The following INPP4B variants were observed in gnomAD, a reference collection of about 807,000 sequenced individuals.
The protein encoded by INPP4B is inositol polyphosphate 4-phosphatase type II.
Under a neutral mutation model 122.5 loss-of-function variants are expected in INPP4B, and 55 were observed. That is an observed-to-expected ratio of 0.45 (90% CI 0.36 to 0.56). INPP4B has a LOEUF of 0.56. Ranked by LOEUF, INPP4B falls within the 20% of genes least tolerant of loss-of-function variation. INPP4B has a pLI of 0.00. For missense variants in INPP4B, 1,000 were observed against 1,097.7 expected, an observed-to-expected ratio of 0.91 and a Z score of 1.26; for synonymous variants, 403 against 388.7, an observed-to-expected ratio of 1.04 and a Z score of -0.43.
At position 142,784,031 on chromosome 4, in the gene INPP4B, T is replaced by C. The variant is rs866343591; in HGVS notation, c.-253-58130A>G. Among the ~76,000 whole-genome samples, 8 of 152,262 alleles carry C rather than the reference T, an allele frequency of 5.3e-5. No individual in the cohort carries two copies. The South Asian group carries it at 1.2e-3, about 24-fold the overall frequency. ...GTAAAGAGCTTAGAAGTCATCACTG[T>C]CATGCTTAGGGCAAGTAAAAAAACT... On this transcript the variant is annotated intron_variant, in intron 1 of 25. Transcript: ENST00000262992.
At chr4:142,343,467 C>G (rs1374905166) in intron 7 of INPP4B, among the ~76,000 whole-genome samples, 1 of 148,546 alleles carries the variant, frequency 6.7e-6, no homozygotes, top group Non-Finnish European at 1.5e-5. Flanking sequence ...ACATAAATTT[C>G]TATACCTGTT....
chr4:142,694,805 T>C (rs1760795460), intron 2 of INPP4B, among the ~76,000 whole-genome samples: 1 of 152,190 alleles, frequency 6.6e-6, no homozygotes, highest in African/African-American at 2.4e-5. Context: ...GCCCCTACAC[T>C]TTCCCTTAAC....
At chr4:142,814,923 G>A (rs1025632502) in intron 1 of INPP4B, among the ~76,000 whole-genome samples, 2 of 152,114 alleles carry the variant, frequency 1.3e-5, no homozygotes, top group Non-Finnish European at 2.9e-5. Flanking sequence ...GTCCAATGTG[G>A]AAAAGAGGAG....
chr4:142,640,700 A>C, intron 2 of INPP4B, among the ~76,000 whole-genome samples: 1 of 152,102 alleles, frequency 6.6e-6, no homozygotes, highest in East Asian at 1.9e-4. Flanking sequence ...CATTCGCAAC[A>C]CATACAACCA....
intron 10 of INPP4B, among the ~76,000 whole-genome samples, chr4:142,265,188 T>G (rs1742173805): frequency 6.6e-6 from 1 of 152,152 alleles, no homozygotes; most frequent in African/African-American, 2.4e-5. Flanking sequence ...CCATACAGTT[T>G]ATGGTATTTT....
chr4:142,234,772 T>A (rs1855971085), intron 12 of INPP4B, among the ~76,000 whole-genome samples: 1 of 152,216 alleles, frequency 6.6e-6, no homozygotes, highest in African/African-American at 2.4e-5. Flanking sequence ...CAGTTTCTAA[T>A]TTTATCTCTG....
At chr4:142,288,588 GA>G (rs1432985959) in intron 9 of INPP4B, among the ~76,000 whole-genome samples, 3 of 150,432 alleles carry the variant, frequency 2.0e-5, no homozygotes, top group Non-Finnish European at 4.4e-5. Flanking sequence ...GTCTCAGGAA[GA>G]AAAAAAAAGA....
At chr4:142,243,455 G>A (rs918036840) in intron 11 of INPP4B, among the ~76,000 whole-genome samples, 2 of 152,150 alleles carry the variant, frequency 1.3e-5, no homozygotes, top group African/African-American at 4.8e-5. Flanking sequence ...ATTGCATCAC[G>A]TTTGTTAAAA....
intron 2 of INPP4B, among the ~76,000 whole-genome samples, chr4:142,494,640 G>T (rs898067197): frequency 6.6e-6 from 1 of 152,100 alleles, no homozygotes; most frequent in Admixed American, 6.6e-5. Context: ...AAACTTTAAA[G>T]ATATGGTTCT....
rs940081704 is a variant in INPP4B, at chr4:142,712,445, T to C, written c.-191+13394A>G. On this transcript the variant is annotated intron_variant, in intron 2 of 25. Coordinates refer to ENST00000262992, the MANE Select transcript of INPP4B (RefSeq NM_001101669.3). ...AGCCTGGATTAACAGATAATCCAAA[T>C]GTCCAAGGCATGCTGCCATTGGGTC... is the stretch of plus-strand genomic sequence containing the variant. 3.3e-5 allele frequency among the ~76,000 whole-genome samples: 5 copies of C among 152,252 alleles called. No individual in the cohort carries two copies. In the South Asian group the frequency reaches 8.3e-4, roughly 25 times the overall value.
At chr4:142,529,434 C>A (rs866420002) in intron 2 of INPP4B, among the ~76,000 whole-genome samples, 34 of 152,102 alleles carry the variant, frequency 2.2e-4, no homozygotes, top group African/African-American at 8.2e-4. Context: ...ATTCAGGTAT[C>A]TTCTATTAAG....
In INPP4B at chr4:142,024,718, T is replaced by G. The variant is rs1401338592; in HGVS notation, c.*4064A>C. On this transcript the variant is annotated 3_prime_UTR_variant, in exon 26 of 26. Transcript: ENST00000262992. ...TTAGAATCTGGGCACAGTAATATGT[T>G]ACTGTTTTTCCTACTTTTAGCAAAT... The G allele has an allele frequency of 6.6e-6, 1 of 152,144 alleles. No homozygotes were observed. Among genetic ancestry groups the G allele is most frequent in the African/African-American group, 2.4e-5 (1 of 41,456 alleles). The allele number at this position is 152,144 out of a possible 1,614,324, so 9.4% of individuals were successfully genotyped here.
chr4:142,052,238 TTAGA>T (rs1487679117), intron 25 of INPP4B, among the ~76,000 whole-genome samples: 3 of 152,008 alleles, frequency 2.0e-5, no homozygotes, highest in Admixed American at 2.0e-4. Flanking sequence ...GTATTATAAA[TTAGA>T]TAATGAAAAT....
chr4:142,806,395 A>G (rs939340638), intron 1 of INPP4B, among the ~76,000 whole-genome samples: 1 of 151,488 alleles, frequency 6.6e-6, no homozygotes, highest in Non-Finnish European at 1.5e-5. Context: ...ATTTAAATAC[A>G]TTTTTTTAAA....
chr4:142,204,466 A>T (rs574034311), intron 14 of INPP4B, among the ~76,000 whole-genome samples: 35 of 150,354 alleles, frequency 2.3e-4, no homozygotes, highest in African/African-American at 4.1e-4. Flanking sequence ...GTAACATTAA[A>T]TTTTTTTTTT....
intron 2 of INPP4B, among the ~76,000 whole-genome samples, chr4:142,521,838 T>C (rs146232047): frequency 7.9e-5 from 12 of 152,278 alleles, no homozygotes; most frequent in Non-Finnish European, 1.8e-4. Context: ...GGTATATCTA[T>C]GATAATGCAT....
At chr4:142,287,296 T>A (rs907821117) in intron 9 of INPP4B, 4 of 152,288 alleles carry the variant, frequency 2.6e-5, no homozygotes, top group African/African-American at 9.7e-5. Context: ...ATAGCTCCCA[T>A]CAGAGTCCCA....
At chr4:142,201,058 G>A (rs535594544) in intron 14 of INPP4B, among the ~76,000 whole-genome samples, 1 of 152,146 alleles carries the variant, frequency 6.6e-6, no homozygotes, top group South Asian at 2.1e-4. Flanking sequence ...TTTTATAGAA[G>A]TTCAAAGAGT....
At position 142,632,587 on chromosome 4, in the gene INPP4B, C is replaced by T. The variant is rs188994761; in HGVS notation, c.-191+93252G>A. On this transcript the variant is annotated intron_variant, in intron 2 of 25. Transcript: ENST00000262992. ...AAGAGCAATAAAAATAATAAATATGCGAATATCTACATAAATATCAATGCT... is the reference window on the plus strand; with the variant it reads ...AAGAGCAATAAAAATAATAAATATGTGAATATCTACATAAATATCAATGCT... Among the ~76,000 whole-genome samples the T allele has an allele frequency of 3.1e-4, 47 of 151,548 alleles. No individual in the cohort carries two copies. The South Asian group carries it at 3.8e-3, about 12-fold the overall frequency.
Sources: gnomAD v4.1 joint callset for allele counts (sites outside exome capture counted in the v4.1 genomes callset) on GRCh38, gnomAD v4.1.1 for gene constraint, MANE v1.5 for transcripts, NCBI Gene and HGNC (gene_info 2026-07-23, HGNC 2026-07-21) for gene names.